Variants in FAM210A observed in about 807,000 individuals in gnomAD.
FAM210A encodes mitochondrial inner membrane scaffold 1, also known as family with sequence similarity 210 member A.
Under a neutral mutation model 25.3 loss-of-function variants are expected in FAM210A, and 13 were observed. The observed-to-expected ratio is 0.51, with a 90% CI of 0.33 to 0.82. The LOEUF is 0.82. Among genes scored for constraint, FAM210A ranks in the 40% least tolerant of loss-of-function variants. The pLI is 0.02. For missense variants in FAM210A, 319 were observed against 323.2 expected (o/e 0.99, Z 0.10); for synonymous variants, 125 against 118.7 (o/e 1.05, Z -0.35).
intron 1 of FAM210A, among the ~76,000 whole-genome samples, chr18:13,704,537 A>G (rs911937748): frequency 6.6e-6 from 1 of 152,224 alleles, no homozygotes; most frequent in Non-Finnish European, 1.5e-5. Context: ...AACCTTTAAC[A>G]TATTTGATAG....
At chr18:13,721,962 G>A (rs74807210) in intron 1 of FAM210A, among the ~76,000 whole-genome samples, 2,716 of 152,186 alleles carry the variant, frequency 0.018, 32 homozygotes, top group Middle Eastern at 0.061. Context: ...TCTTAGCAGC[G>A]CAATGGGGTC....
chr18:13,688,556 T>C (rs933290793), intron 1 of FAM210A, among the ~76,000 whole-genome samples: 15 of 152,216 alleles, frequency 9.9e-5, no homozygotes, highest in Admixed American at 8.5e-4. Context: ...ATATTCATTA[T>C]CCTTCAATCG....
At chr18:13,707,249 G>A (rs2043785751) in intron 1 of FAM210A, among the ~76,000 whole-genome samples, 1 of 152,158 alleles carries the variant, frequency 6.6e-6, no homozygotes, top group Admixed American at 6.5e-5. Context: ...AGAACAGAAG[G>A]GGGAATTTTT....
Position 13,666,541 on chromosome 18 carries a change from C to A in FAM210A, c.758G>T (p.Arg253Ile). The change falls in exon 4 of 4, where the codon AGA becomes ATA. Residue 253 changes from arginine to isoleucine, a missense_variant. Arg to Ile is a moderately conservative substitution (Grantham distance 97, BLOSUM62 -3). Coordinates refer to ENST00000651643, the MANE Select transcript of FAM210A (RefSeq NM_152352.4). The stretch of plus-strand genomic sequence containing the variant: ...GGTTTCTTGTAACTTTTCAGTGAGT[C>A]TATCTTTTGTTTCTTCCATTTTCTC... ...ITEKMEETKD[R>I]LTEKLQETKE... The A allele has an allele frequency of 1.2e-6, 2 of 1,614,100 alleles. No individual in the cohort carries two copies. The highest frequency in any genetic ancestry group is 3.3e-5 in the Admixed American group (2 of 60,004).
chr18:13,672,032 T>C, intron 2 of FAM210A, 59 bp from the exon 3 acceptor site: 1 of 1,257,950 alleles, frequency 7.9e-7, no homozygotes, highest in Non-Finnish European at 1.1e-6. Context: ...TTTTCAAAAA[T>C]TATCTGAAAA....
intron 2 of FAM210A, 47 bp downstream of exon 2, chr18:13,681,558 A>G (rs748348689): frequency 2.1e-6 from 3 of 1,415,904 alleles, no homozygotes; most frequent in Non-Finnish European, 2.9e-6. Flanking sequence ...AAAAAGATTA[A>G]TATTCTGGTA....
intron 2 of FAM210A, among the ~76,000 whole-genome samples, chr18:13,677,674 A>C (rs1425412688): frequency 6.6e-6 from 1 of 152,102 alleles, no homozygotes; most frequent in Admixed American, 6.5e-5. Context: ...GGAGGCAGAA[A>C]TTGGGCATAA....
intron 1 of FAM210A, among the ~76,000 whole-genome samples, chr18:13,684,170 G>A (rs998433588): frequency 1.3e-5 from 2 of 152,176 alleles, no homozygotes; most frequent in African/African-American, 2.4e-5. Context: ...GCCGAGGCAG[G>A]CACATCACCT....
At chr18:13,720,779 G>C (rs1423320717) in intron 1 of FAM210A, among the ~76,000 whole-genome samples, 1 of 152,182 alleles carries the variant, frequency 6.6e-6, no homozygotes, top group Non-Finnish European at 1.5e-5. Flanking sequence ...CTCCAGCTCT[G>C]GGGTTAGAAG....
At chr18:13,719,479 C>T (rs145098044) in intron 1 of FAM210A, among the ~76,000 whole-genome samples, 6 of 152,268 alleles carry the variant, frequency 3.9e-5, no homozygotes, top group Non-Finnish European at 8.8e-5. Context: ...TTGGCACCCA[C>T]AAAATCTAAC....
intron 1 of FAM210A, among the ~76,000 whole-genome samples, chr18:13,698,326 T>A (rs1469128996): frequency 8.4e-6 from 1 of 118,436 alleles, no homozygotes; most frequent in Admixed American, 1.2e-4. Context: ...CACTCCAGCC[T>A]GGGTGACAGA....
At position 13,682,726 on chromosome 18, in the gene FAM210A, G is replaced by A. The variant is rs139345711; in HGVS notation, c.-28-621C>T. On this transcript the variant is annotated intron_variant, in intron 1 of 3. Coordinates refer to ENST00000651643, the MANE Select transcript of FAM210A (RefSeq NM_152352.4). ...TCTACTAAAAATACAAAAATTAGCCGGGAATGGTGGTGTGTGCCTGTAATT... is the reference window on the plus strand; with the variant it reads ...TCTACTAAAAATACAAAAATTAGCCAGGAATGGTGGTGTGTGCCTGTAATT... 3.7e-4 allele frequency among the ~76,000 whole-genome samples: 56 copies of A among 151,978 alleles called. No homozygotes were observed. In the East Asian group the frequency reaches 0.011, roughly 29 times the overall value.
intron 1 of FAM210A, among the ~76,000 whole-genome samples, chr18:13,684,982 G>T (rs2043584825): frequency 1.3e-5 from 2 of 152,104 alleles, no homozygotes; most frequent in South Asian, 4.2e-4. Flanking sequence ...CTTCTAAAAA[G>T]AAATTTAAAA....
At chr18:13,688,655 T>C (rs906146947) in intron 1 of FAM210A, among the ~76,000 whole-genome samples, 2 of 152,242 alleles carry the variant, frequency 1.3e-5, no homozygotes, top group Admixed American at 1.3e-4. Flanking sequence ...CTCTGGCTCT[T>C]TGCCCTCACT....
chr18:13,706,332 A>G (rs2043777687), intron 1 of FAM210A, among the ~76,000 whole-genome samples: 1 of 141,180 alleles, frequency 7.1e-6, no homozygotes, highest in African/African-American at 2.6e-5. Context: ...TTATGCCTCT[A>G]TGAACAACAG....
chr18:13,698,934 T>C (rs2043717374), intron 1 of FAM210A, among the ~76,000 whole-genome samples: 1 of 152,178 alleles, frequency 6.6e-6, no homozygotes, highest in South Asian at 2.1e-4. Context: ...GCAGTTGCTG[T>C]AGAGCCGCCC....
At position 13,677,495 on chromosome 18, in the gene FAM210A, C is replaced by T. The variant is rs1442244777; in HGVS notation, c.473+4110G>A. ...CACCAGTAATCAGAACAGAACAGAACACAACACAACAGAACAGAACAGGGA... is the reference window on the plus strand; with the variant it reads ...CACCAGTAATCAGAACAGAACAGAATACAACACAACAGAACAGAACAGGGA... On this transcript the variant is annotated intron_variant, in intron 2 of 3. Coordinates refer to ENST00000651643, the MANE Select transcript of FAM210A (RefSeq NM_152352.4). Among the ~76,000 whole-genome samples, 3 of 152,220 alleles carry T rather than the reference C, an allele frequency of 2.0e-5. No individual in the cohort carries two copies. The East Asian group carries it at 5.8e-4, about 29-fold the overall frequency.
intron 2 of FAM210A, among the ~76,000 whole-genome samples, chr18:13,673,118 G>T: frequency 6.7e-6 from 1 of 148,808 alleles, no homozygotes. Flanking sequence ...CTTGAGCCAT[G>T]ACTTATTTCC....
At chr18:13,676,462 T>G (rs895323911) in intron 2 of FAM210A, among the ~76,000 whole-genome samples, 1 of 151,312 alleles carries the variant, frequency 6.6e-6, no homozygotes, top group Non-Finnish European at 1.5e-5. Flanking sequence ...TATTTCCAGT[T>G]TCCTGATTAT....
Sources: gnomAD v4.1 joint callset for allele counts (sites outside exome capture counted in the v4.1 genomes callset) on GRCh38, gnomAD v4.1.1 for gene constraint, MANE v1.5 for transcripts, NCBI Gene and HGNC (gene_info 2026-07-23, HGNC 2026-07-21) for gene names.